The following MTRF1 variants were observed in gnomAD, a reference collection of about 807,000 sequenced individuals.
MTRF1 encodes the protein peptide chain release factor 1, mitochondrial.
In MTRF1, 51 loss-of-function variants were observed where a neutral mutation model predicts 62.9. The ratio of observed to expected loss-of-function variants is 0.81; its 90% CI spans 0.65 to 1.02. MTRF1 has a LOEUF of 1.02. Among genes scored for constraint, MTRF1 ranks in the 50% least tolerant of loss-of-function variants. The pLI, the probability that MTRF1 is intolerant of heterozygous loss-of-function variation, is 0.00. For missense variants in MTRF1, 446 were observed against 530.0 expected (o/e 0.84, Z 1.56); for synonymous variants, 158 against 181.9 (o/e 0.87, Z 1.06).
chr13:41,264,528 T>C (rs139764129), upstream of MTRF1, among the ~76,000 whole-genome samples: 23 of 152,374 alleles, frequency 1.5e-4, no homozygotes, highest in Non-Finnish European at 2.9e-4. Flanking sequence ...TTACTGACTT[T>C]ACAGAGTATT....
intron 2 of MTRF1, 146 bp from the exon 3 acceptor site, chr13:41,254,766 G>A: frequency 3.7e-6 from 2 of 543,762 alleles, no homozygotes; most frequent in Non-Finnish European, 6.3e-6. Flanking sequence ...AATATTTGGA[G>A]AATGTCAATT....
intron 4 of MTRF1, 68 bp from the exon 5 acceptor site, chr13:41,252,820 T>C: frequency 7.0e-7 from 1 of 1,422,244 alleles, no homozygotes; most frequent in Admixed American, 1.8e-5. Flanking sequence ...GACTAAGTCC[T>C]TTAGGAAATA....
intron 9 of MTRF1, among the ~76,000 whole-genome samples, chr13:41,221,147 T>A (rs191115176): frequency 6.6e-6 from 1 of 151,896 alleles, no homozygotes; most frequent in East Asian, 1.9e-4. Context: ...GGTTCCTAAG[T>A]TATTCACTCT....
chr13:41,297,688 G>C, the MTRF1 span, among the ~76,000 whole-genome samples: 1 of 151,516 alleles, frequency 6.6e-6, no homozygotes, highest in Non-Finnish European at 1.5e-5. Context: ...TGGTTCTCCT[G>C]CCTCAGCGTC....
the MTRF1 span, among the ~76,000 whole-genome samples, chr13:41,301,804 T>C: frequency 4.6e-5 from 7 of 151,942 alleles, no homozygotes; most frequent in Non-Finnish European, 1.0e-4. Flanking sequence ...TCTGTCTTAT[T>C]ATGTAGATAA....
At chr13:41,262,372 T>C (rs2040566937) in intron 1 of MTRF1, 3 of 146,688 alleles carry the variant, frequency 2.0e-5, no homozygotes, top group Non-Finnish European at 4.5e-5. Flanking sequence ...CATACCAAAA[T>C]GTTAATAAAA....
the MTRF1 span, among the ~76,000 whole-genome samples, chr13:41,287,555 A>T: frequency 1.3e-5 from 2 of 152,248 alleles, no homozygotes; most frequent in African/African-American, 4.8e-5. Context: ...AATTTTAAAG[A>T]ATGTGAGTCT....
chr13:41,310,566 A>G, the MTRF1 span, among the ~76,000 whole-genome samples: 1 of 152,216 alleles, frequency 6.6e-6, no homozygotes, highest in Admixed American at 6.5e-5. Context: ...GCCACTCGGG[A>G]GGCTGAGGCA....
At chr13:41,229,344 ATCTTC>A (rs529042604) in intron 7 of MTRF1, 4 of 152,314 alleles carry the variant, frequency 2.6e-5, no homozygotes, top group Admixed American at 2.6e-4. Flanking sequence ...AACATTCAAA[ATCTTC>A]TCTTCTAGCT....
At chr13:41,270,494 CT>C in the MTRF1 span, among the ~76,000 whole-genome samples, 22 of 152,216 alleles carry the variant, frequency 1.4e-4, no homozygotes, top group African/African-American at 5.1e-4. Context: ...TCATGAACAG[CT>C]TTTTTTCTCT....
chr13:41,284,601 GTTTAC>G, the MTRF1 span, among the ~76,000 whole-genome samples: 2 of 151,420 alleles, frequency 1.3e-5, no homozygotes, highest in African/African-American at 4.9e-5. Context: ...ACATTTGGCA[GTTTAC>G]TTTAATAGTC....
the MTRF1 span, among the ~76,000 whole-genome samples, chr13:41,284,005 C>T: frequency 2.3e-3 from 335 of 147,670 alleles, no homozygotes; most frequent in African/African-American, 7.6e-3. Flanking sequence ...TGTCCATCCC[C>T]ATAACACAAT....
At chr13:41,286,580 T>C in the MTRF1 span, among the ~76,000 whole-genome samples, 2 of 152,216 alleles carry the variant, frequency 1.3e-5, no homozygotes, top group Non-Finnish European at 2.9e-5. Context: ...TCAGTTTGAT[T>C]ATTCCTTGTG....
chr13:41,283,135 G>A, the MTRF1 span, among the ~76,000 whole-genome samples: 1 of 152,154 alleles, frequency 6.6e-6, no homozygotes, highest in Non-Finnish European at 1.5e-5. Context: ...GCTGTTCATT[G>A]GGCACTATCC....
chr13:41,259,712 A>AAAAAAAACAAAAAAAAAAAAAC (rs1555268028), intron 2 of MTRF1, among the ~76,000 whole-genome samples: 7 of 136,700 alleles, frequency 5.1e-5, no homozygotes, highest in Non-Finnish European at 9.4e-5. Context: ...AAAAAAAAAA[A>AAAAAAAACAAAAAAAAAAAAAC]AAAAAAAAAC....
At chr13:41,309,187 G>A in the MTRF1 span, among the ~76,000 whole-genome samples, 1 of 151,796 alleles carries the variant, frequency 6.6e-6, no homozygotes, top group Non-Finnish European at 1.5e-5. Flanking sequence ...ACACGTGCAT[G>A]TGTCCTTTTT....
chr13:41,298,154 T>C, the MTRF1 span, among the ~76,000 whole-genome samples: 1 of 152,172 alleles, frequency 6.6e-6, no homozygotes, highest in Non-Finnish European at 1.5e-5. Flanking sequence ...GGTTAGACAA[T>C]TGCTTTAGTT....
At chr13:41,286,088 CA>C in the MTRF1 span, among the ~76,000 whole-genome samples, 18,266 of 110,194 alleles carry the variant, frequency 0.17, 1,581 homozygotes, top group East Asian at 0.28. Context: ...ACAACAACAA[CA>C]AAAAAAAAAA....
chr13:41,311,575 G>A, the MTRF1 span: 1 of 1,607,592 alleles, frequency 6.2e-7, no homozygotes, highest in Non-Finnish European at 8.5e-7. Flanking sequence ...CTCTTCAAAC[G>A]CATCTTGGTG....
Sources: allele counts gnomAD v4.1 joint callset (sites outside exome capture counted in the v4.1 genomes callset), GRCh38; gene constraint gnomAD v4.1.1; transcripts MANE v1.5; gene names NCBI Gene and HGNC (gene_info 2026-07-23, HGNC 2026-07-21).